The following SHISA6 variants were observed in gnomAD, a reference collection of about 807,000 sequenced individuals.
The protein encoded by SHISA6 is shisa family member 6.
In SHISA6, 22 loss-of-function variants were observed where a neutral mutation model predicts 47.9. The observed-to-expected ratio is 0.46, with a 90% CI of 0.33 to 0.66. SHISA6 has a LOEUF of 0.66. SHISA6 is among the 30% of genes least tolerant of loss of function. SHISA6 has a pLI of 0.02. For synonymous variants in SHISA6, 388 were observed against 337.8 expected (o/e 1.15, Z -1.63); for missense variants, 680 against 764.6 (o/e 0.89, Z 1.30).
At chr17:11,413,449 A>G (rs1259168989) in intron 3 of SHISA6, among the ~76,000 whole-genome samples, 1 of 152,178 alleles carries the variant, frequency 6.6e-6, no homozygotes, top group Non-Finnish European at 1.5e-5. Context: ...AGGGAGGACA[A>G]TACCACCAGA....
At chr17:11,385,788 T>G (rs1205671389) in intron 3 of SHISA6, among the ~76,000 whole-genome samples, 2 of 151,096 alleles carry the variant, frequency 1.3e-5, no homozygotes, top group Non-Finnish European at 3.0e-5. Flanking sequence ...AACTCAAGAG[T>G]AGGTAGCCAG....
chr17:11,435,311 C>A (rs1914906445), intron 3 of SHISA6, among the ~76,000 whole-genome samples: 1 of 152,070 alleles, frequency 6.6e-6, no homozygotes, highest in African/African-American at 2.4e-5. Context: ...CTAAGTAGCC[C>A]TGAGGTCTGA....
At chr17:11,450,297 A>G (rs1010828675) in intron 3 of SHISA6, among the ~76,000 whole-genome samples, 1 of 152,188 alleles carries the variant, frequency 6.6e-6, no homozygotes, top group Non-Finnish European at 1.5e-5. Flanking sequence ...ATAAGTTCCC[A>G]TTTTGAGTTA....
chr17:11,264,820 T>C (rs1427981015), intron 2 of SHISA6, among the ~76,000 whole-genome samples: 2 of 152,208 alleles, frequency 1.3e-5, no homozygotes, highest in Non-Finnish European at 2.9e-5. Context: ...GCTTTTAAAA[T>C]AGCATTCTTA....
intron 2 of SHISA6, among the ~76,000 whole-genome samples, chr17:11,321,737 T>G (rs1440453210): frequency 6.6e-6 from 1 of 152,228 alleles, no homozygotes. Context: ...GTTTTGTTCT[T>G]TGCTTGGATT....
intron 2 of SHISA6, among the ~76,000 whole-genome samples, chr17:11,319,842 T>G (rs2142194998): frequency 6.6e-6 from 1 of 152,342 alleles, no homozygotes; most frequent in East Asian, 1.9e-4. Flanking sequence ...TCAGTTCGGT[T>G]AAGTAAGGCA....
chr17:11,270,663 C>T (rs2142152274), intron 2 of SHISA6, among the ~76,000 whole-genome samples: 1 of 152,312 alleles, frequency 6.6e-6, no homozygotes, highest in East Asian at 1.9e-4. Context: ...TGCGTGTTTT[C>T]ATAAAATTTG....
intron 3 of SHISA6, among the ~76,000 whole-genome samples, chr17:11,440,659 T>C (rs2142296931): frequency 6.7e-6 from 1 of 149,576 alleles, no homozygotes; most frequent in South Asian, 2.1e-4. Context: ...AACGGATGCT[T>C]AGAGAAATTA....
chr17:11,310,740 C>T lies in SHISA6; in HGVS notation c.799+47214C>T, dbSNP rs550404674. Among the ~76,000 whole-genome samples, 804 of 152,116 alleles carry T rather than the reference C, an allele frequency of 5.3e-3. 6 individuals are homozygous for T. Among genetic ancestry groups the T allele is most frequent in the African/African-American group, 0.019 (771 of 41,500 alleles). ...CTATAATCCCAGCACTTTGGGAGGC[C>T]GAGGTGGGCAGATCACAAGGTCAGG... is the stretch of plus-strand genomic sequence containing the variant. On this transcript the variant is annotated intron_variant, in intron 2 of 5. Coordinates refer to ENST00000441885, the MANE Select transcript of SHISA6 (RefSeq NM_207386.4).
chr17:11,469,548 A>G (rs1190964013), intron 3 of SHISA6, among the ~76,000 whole-genome samples: 1 of 152,144 alleles, frequency 6.6e-6, no homozygotes, highest in Non-Finnish European at 1.5e-5. Context: ...AAATTAATGC[A>G]CTCTGCTTAA....
chr17:11,295,446 A>G (rs908492475), intron 2 of SHISA6, among the ~76,000 whole-genome samples: 1 of 152,238 alleles, frequency 6.6e-6, no homozygotes, highest in African/African-American at 2.4e-5. Flanking sequence ...AATAACAAAC[A>G]TGCCCACATT....
chr17:11,304,154 C>T (rs150887684), intron 2 of SHISA6, among the ~76,000 whole-genome samples: 61 of 152,314 alleles, frequency 4.0e-4, no homozygotes, highest in African/African-American at 1.3e-3. Flanking sequence ...TAACGAGGGC[C>T]TGACTGGCCA....
At chr17:11,318,108 A>G (rs1209877338) in intron 2 of SHISA6, among the ~76,000 whole-genome samples, 1 of 141,154 alleles carries the variant, frequency 7.1e-6, no homozygotes, top group Non-Finnish European at 1.5e-5. Context: ...GCACTTTTTG[A>G]AAATATAATC....
chr17:11,424,706 A>G (rs1158336707), intron 3 of SHISA6, among the ~76,000 whole-genome samples: 1 of 142,398 alleles, frequency 7.0e-6, no homozygotes, highest in Admixed American at 7.2e-5. Flanking sequence ...ATCTTTTTTT[A>G]AAATAAAAAA....
At chr17:11,368,281 C>T (rs1912518958) in intron 2 of SHISA6, among the ~76,000 whole-genome samples, 1 of 134,584 alleles carries the variant, frequency 7.4e-6, no homozygotes, top group African/African-American at 2.9e-5. Flanking sequence ...TGGAGCGCTT[C>T]CTTTTGGAGG....
At chr17:11,465,986 C>T (rs1300836595) in intron 3 of SHISA6, among the ~76,000 whole-genome samples, 8 of 152,200 alleles carry the variant, frequency 5.3e-5, no homozygotes, top group East Asian at 1.9e-4. Flanking sequence ...TCTTATAAAA[C>T]GGAGTTCTGG....
At chr17:11,458,171 ACTTAT>A (rs948739650) in intron 3 of SHISA6, among the ~76,000 whole-genome samples, 13 of 152,178 alleles carry the variant, frequency 8.5e-5, no homozygotes, top group African/African-American at 2.2e-4. Flanking sequence ...ACTTCACCAG[ACTTAT>A]CTTAAGTCCA....
chr17:11,552,450 G>A (rs1254643672), intron 4 of SHISA6, among the ~76,000 whole-genome samples: 1 of 152,162 alleles, frequency 6.6e-6, no homozygotes, highest in African/African-American at 2.4e-5. Context: ...TGTTAGCATA[G>A]TGCCCAAGGG....
chr17:11,247,694 C>T (rs1346453310), intron 1 of SHISA6, among the ~76,000 whole-genome samples: 1 of 151,804 alleles, frequency 6.6e-6, no homozygotes, highest in East Asian at 1.9e-4. Context: ...TGATTTTTCC[C>T]CTCTTTTCTT....
Sources: gnomAD v4.1 joint callset for allele counts (sites outside exome capture counted in the v4.1 genomes callset) on GRCh38, gnomAD v4.1.1 for gene constraint, MANE v1.5 for transcripts, NCBI Gene and HGNC (gene_info 2026-07-23, HGNC 2026-07-21) for gene names.